Variants in RNF167 observed in about 807,000 individuals in gnomAD.
RNF167 encodes E3 ubiquitin-protein ligase RNF167.
In RNF167, 19 loss-of-function variants were observed where a neutral mutation model predicts 34.8. That is an observed-to-expected ratio of 0.55 (90% CI 0.38 to 0.80). The LOEUF is 0.80. RNF167 is among the 30% of genes least tolerant of loss of function. RNF167 has a pLI of 0.00. For missense variants in RNF167, 464 were observed against 447.0 expected (o/e 1.04, Z -0.34); for synonymous variants, 200 against 170.4 (o/e 1.17, Z -1.35).
rs1349361451 is a variant in RNF167 at position 4,940,922 on chromosome 17, G to A, written c.13G>A (p.Ala5Thr). MHPAAFPLPVVVAAV... is the reference protein window; with the variant it reads MHPATFPLPVVVAAV... ...TCCTCCCGCTGCCATGCACCCTGCA[G>A]CCTTCCCGCTTCCTGTGGTTGTGGC... The change falls in exon 2 of 10, where the codon GCC becomes ACC. Residue 5 changes from alanine to threonine, a missense_variant. Coordinates refer to ENST00000262482, the MANE Select transcript of RNF167 (RefSeq NM_015528.3). 1.9e-6 allele frequency: 3 copies of A among 1,607,634 alleles called. No homozygotes were observed. The highest frequency in any genetic ancestry group is 2.2e-5 in the South Asian group (2 of 90,426).
At position 4,942,342 on chromosome 17, in the gene RNF167, G is replaced by A; in HGVS notation, c.167G>A (p.Gly56Glu). Reference sequence around the variant, plus strand: ...CTGTTGTTTGCTTCCATCCTTCAGGGGTTCCTTGTGGAGGCTCACCCAGAC... The same window carrying A: ...CTGTTGTTTGCTTCCATCCTTCAGGAGTTCCTTGTGGAGGCTCACCCAGAC... ...GATLSQEGLQGFLVEAHPDNA... is the reference protein window; with the variant it reads ...GATLSQEGLQEFLVEAHPDNA... The change falls in exon 4 of 10, where the codon GGG (glycine) becomes GAG (glutamate). Residue 56 changes from glycine to glutamate, a missense_variant and splice_region_variant. Transcript: ENST00000262482. The A allele has an allele frequency of 6.2e-7, 1 of 1,613,704 alleles. No individual in the cohort carries two copies. The highest frequency in any genetic ancestry group is 8.5e-7 in the Non-Finnish European group (1 of 1,180,004).
In RNF167 at chr17:4,944,810, G is replaced by C. The variant is rs373403449; in HGVS notation, c.847G>C (p.Asp283His). 15 of 1,612,412 alleles carry C rather than the reference G, an allele frequency of 9.3e-6. No individual in the cohort carries two copies. In the African/African-American group the frequency reaches 1.6e-4, roughly 17 times the overall value. ...TGTTCATCGGGGTCCTGGGGACGAA[G>C]ACCAAGAGGAAGAAACTCAAGGGCA... ...QPVHRGPGDEDQEEETQGQEE... is the reference protein window; with the variant it reads ...QPVHRGPGDEHQEEETQGQEE... Residue 283 changes from aspartate (D) to histidine (H), a missense_variant, in exon 10 of 10, where the codon GAC (aspartate) becomes CAC (histidine). By Grantham distance (81) the Asp-to-His change is moderately conservative. Transcript: ENST00000262482.
chr17:4,943,485 A>G lies in RNF167; in HGVS notation c.636A>G (p.Gln212=), dbSNP rs1328017972. 2 of 1,613,990 alleles carry G rather than the reference A, an allele frequency of 1.2e-6. No individual in the cohort carries two copies. The highest frequency in any genetic ancestry group is 2.2e-5 in the East Asian group (1 of 44,886). The part of the protein sequence containing the change: ...RLQRNRLTKE[Q]LKQIPTHDYQ... ...AGCGGAATCGACTTACCAAAGAGCA[A>G]CTGAAACAGATTCCTACACATGACT... is the stretch of plus-strand genomic sequence containing the variant. Residue 212 remains glutamine (Q), a synonymous_variant, in exon 8 of 10, where the codon CAA becomes CAG. Transcript: ENST00000262482.
Position 4,945,006 on chromosome 17 carries a change from T to C in RNF167, c.1043T>C (p.Ile348Thr), listed in dbSNP as rs762766429. The change falls in exon 10 of 10, where the codon ATC becomes ACC. Residue 348 changes from isoleucine (I) to threonine (T), a missense_variant. By Grantham distance (89) the Ile-to-Thr change is moderately conservative. Transcript: ENST00000262482. ...CTGTCCCCTCCCTCTTCCCCTGTTATCCTGGTCTAATAACCCCCCACACAT... is the reference window on the plus strand; with the variant it reads ...CTGTCCCCTCCCTCTTCCCCTGTTACCCTGGTCTAATAACCCCCCACACAT... ...PPLSPPSSPVILV is the reference protein window; with the variant it reads ...PPLSPPSSPVTLV 3.9e-6 allele frequency: 6 copies of C among 1,544,806 alleles called. No individual in the cohort carries two copies. In the Admixed American group the frequency reaches 6.1e-5, roughly 16 times the overall value.
In RNF167 at chr17:4,944,968, A is replaced by G; in HGVS notation, c.1005A>G (p.Ser335=). 6.3e-7 allele frequency: 1 copy of G among 1,596,110 alleles called. No individual in the cohort carries two copies. Among genetic ancestry groups the G allele is most frequent in the Non-Finnish European group, 8.5e-7 (1 of 1,170,994 alleles). ...APAPLVFPGP[S]TDPPLSPPSS... ...CTCCCCTTGTTTTTCCTGGGCCTTC[A>G]ACAGATCCCCCACTGTCCCCTCCCT... The change falls in exon 10 of 10, where the codon TCA becomes TCG. Residue 335 remains serine, a synonymous_variant. Transcript: ENST00000262482.
chr17:4,944,974 T>A lies in RNF167; in HGVS notation c.1011T>A (p.Asp337Glu). 6.3e-7 allele frequency: 1 copy of A among 1,583,332 alleles called. No individual in the cohort carries two copies. Among genetic ancestry groups the A allele is most frequent in the Non-Finnish European group, 8.6e-7 (1 of 1,164,598 alleles). ...APLVFPGPST[D>E]PPLSPPSSPV... is the part of the protein sequence containing the mutation. ...TTGTTTTTCCTGGGCCTTCAACAGA[T>A]CCCCCACTGTCCCCTCCCTCTTCCC... Residue 337 changes from aspartate (D) to glutamate (E), a missense_variant, in exon 10 of 10, where the codon GAT becomes GAA. Transcript: ENST00000262482.
chr17:4,944,488 G>A, intron 8 of RNF167, 70 bp from the exon 9 acceptor site: 2 of 1,509,822 alleles, frequency 1.3e-6, no homozygotes, highest in Non-Finnish European at 1.8e-6. Context: ...ATTTTTGCAA[G>A]GCTTTAAAAG....
At position 4,945,131 on chromosome 17, in the gene RNF167, T is replaced by C. The variant is rs1399873902; in HGVS notation, c.*115T>C. 4 of 934,530 alleles carry C rather than the reference T, an allele frequency of 4.3e-6. No homozygotes were observed. The highest frequency in any genetic ancestry group is 6.2e-6 in the Non-Finnish European group (4 of 643,848). The allele number at this position is 934,530 out of a possible 1,614,324, so 57.9% of individuals were successfully genotyped here. On this transcript the variant is annotated 3_prime_UTR_variant, in exon 10 of 10. Coordinates refer to ENST00000262482, the MANE Select transcript of RNF167 (RefSeq NM_015528.3). ...CAAGCTTCTCCCTTACCCACACCTA[T>C]CCTTTTGAGGGGCTTTGGGGTGGAG... is the stretch of plus-strand genomic sequence containing the variant.
rs143644786 is a variant in RNF167, at chr17:4,944,756, C to T, written c.793C>T (p.Arg265Trp). The change falls in exon 10 of 10, where the codon CGG becomes TGG. Residue 265 changes from arginine (R) to tryptophan (W), a missense_variant. Transcript: ENST00000262482. Reference protein sequence around the residue: ...RCVDPWLTQTRKTCPICKQPV... With the variant: ...RCVDPWLTQTWKTCPICKQPV... ...CGTGGACCCCTGGCTCACTCAGACC[C>T]GGAAGACCTGCCCCATTTGCAAGCA... 1.2e-4 allele frequency: 187 copies of T among 1,613,354 alleles called. No individual in the cohort carries two copies. Among genetic ancestry groups the T allele is most frequent in the South Asian group, 3.4e-4 (31 of 91,002 alleles).
intron 3 of RNF167, among the ~76,000 whole-genome samples, chr17:4,941,842 G>A (rs1297447034): frequency 6.6e-6 from 1 of 152,062 alleles, no homozygotes; most frequent in African/African-American, 2.4e-5. Context: ...ACTTGAAACC[G>A]GAAGGTGGAG....
Position 4,941,001 on chromosome 17 carries a change from T to TC in RNF167, c.84+8_84+9insC, listed in dbSNP as rs1567655478. The TC allele has an allele frequency of 6.2e-7, 1 of 1,613,184 alleles. No individual in the cohort carries two copies. ...CGGGGGCTCATTCGAGCGGTGAGTC[T>TC]GAGGGACGGATGGGGAAAGGGCGCT... On this transcript the variant is annotated intron_variant, in intron 2 of 9. Coordinates refer to ENST00000262482, the MANE Select transcript of RNF167 (RefSeq NM_015528.3).
At chr17:4,941,997 CAG>C (rs1237110427) in intron 3 of RNF167, among the ~76,000 whole-genome samples, 3 of 152,156 alleles carry the variant, frequency 2.0e-5, no homozygotes, top group South Asian at 4.1e-4. Context: ...GACTGTGAAA[CAG>C]AACTTGAGAG....
intron 8 of RNF167, 87 bp downstream of exon 8, chr17:4,943,606 A>G (rs1971057582): frequency 2.7e-6 from 3 of 1,117,626 alleles, no homozygotes; most frequent in Non-Finnish European, 4.0e-6. Flanking sequence ...GTATACAAAG[A>G]TGGCAGTGGC....
Position 4,944,716 on chromosome 17 carries a change from C to G in RNF167, c.753C>G (p.Ala251=). The G allele has an allele frequency of 6.2e-7, 1 of 1,614,112 alleles. No individual in the cohort carries two copies. The highest frequency in any genetic ancestry group is 8.5e-7 in the Non-Finnish European group (1 of 1,180,012). ...DKLRVLPCAH[A]YHSRCVDPWL... ...GCTTCACCTTGTTCCTCTCTGCAGC[C>G]TACCACAGCCGCTGCGTGGACCCCT... Residue 251 remains alanine (A), a splice_region_variant and synonymous_variant, in exon 10 of 10, where the codon GCC becomes GCG. Coordinates refer to ENST00000262482, the MANE Select transcript of RNF167 (RefSeq NM_015528.3).
Position 4,940,976 on chromosome 17 carries a change from C to A in RNF167, c.67C>A (p.Arg23=). 6.2e-7 allele frequency: 1 copy of A among 1,612,426 alleles called. No individual in the cohort carries two copies. Among genetic ancestry groups the A allele is most frequent in the Non-Finnish European group, 8.5e-7 (1 of 1,178,724 alleles). ...TGTGCTGTGGGGAGCGGCCCCGACC[C>A]GGGGGCTCATTCGAGCGGTGAGTCT... ...AAVLWGAAPT[R]GLIRATSDHN... The change falls in exon 2 of 10, where the codon CGG becomes AGG. Residue 23 remains arginine, a synonymous_variant. Coordinates refer to ENST00000262482, the MANE Select transcript of RNF167 (RefSeq NM_015528.3).
At chr17:4,944,222 G>A (rs1414083926) in intron 8 of RNF167, among the ~76,000 whole-genome samples, 3 of 152,198 alleles carry the variant, frequency 2.0e-5, no homozygotes, top group Admixed American at 6.5e-5. Flanking sequence ...AGAGAAGGAA[G>A]AAACCGGTAC....
intron 3 of RNF167, 46 bp downstream of exon 3, chr17:4,941,203 T>A (rs1970766941): frequency 6.5e-7 from 1 of 1,537,322 alleles, no homozygotes; most frequent in Admixed American, 1.8e-5. Context: ...CTTCCTTCCT[T>A]TTCTGTCTTT....
At position 4,940,870 on chromosome 17, in the gene RNF167, C is replaced by G; in HGVS notation, c.-40C>G. The stretch of plus-strand genomic sequence containing the variant: ...GAACTCCGCTTCTGCTCCTTGCTAC[C>G]AGGACGCGCGGCCTCCTCAGCCTCT... On this transcript the variant is annotated 5_prime_UTR_variant, in exon 2 of 10. Transcript: ENST00000262482. 2.0e-6 allele frequency: 3 copies of G among 1,513,678 alleles called. No homozygotes were observed. The highest frequency in any genetic ancestry group is 2.1e-5 in the Admixed American group (1 of 47,318). The allele number at this position is 1,513,678 out of a possible 1,614,324, so 93.8% of individuals were successfully genotyped here.
chr17:4,942,518 C>T, intron 4 of RNF167, 52 bp downstream of exon 4: 1 of 1,612,980 alleles, frequency 6.2e-7, no homozygotes, highest in African/African-American at 1.3e-5. Flanking sequence ...AAAAAGGCAC[C>T]AGGAATGAAG....
Sources: allele counts gnomAD v4.1 joint callset (sites outside exome capture counted in the v4.1 genomes callset), GRCh38; gene constraint gnomAD v4.1.1; transcripts MANE v1.5; gene names NCBI Gene and HGNC (gene_info 2026-07-23, HGNC 2026-07-21).